The following MACROD1 variants were observed in gnomAD, a reference collection of about 807,000 sequenced individuals.
MACROD1 encodes ADP-ribose glycohydrolase MACROD1.
MACROD1 carries 31 observed loss-of-function variants against 41.4 expected under a neutral mutation model. The ratio of observed to expected loss-of-function variants is 0.75; its 90% CI spans 0.56 to 1.01. The LOEUF is 1.01. Among genes scored for constraint, MACROD1 ranks in the 50% least tolerant of loss-of-function variants. MACROD1 has a pLI of 0.00. For synonymous variants in MACROD1, 252 were observed against 203.4 expected (o/e 1.24, Z -2.03); for missense variants, 473 against 460.0 (o/e 1.03, Z -0.26).
intron 3 of MACROD1, among the ~76,000 whole-genome samples, chr11:64,097,325 A>G (rs2134545164): frequency 6.6e-6 from 1 of 152,324 alleles, no homozygotes. Context: ...GGATGGGTGA[A>G]CTCCCAGGCC....
At chr11:64,139,088 C>T (rs1565255585) in intron 3 of MACROD1, among the ~76,000 whole-genome samples, 1 of 152,078 alleles carries the variant, frequency 6.6e-6, no homozygotes, top group Non-Finnish European at 1.5e-5. Flanking sequence ...TTTAATGAAC[C>T]GAAGGGAATG....
At position 64,122,456 on chromosome 11, in the gene MACROD1, C is replaced by T. The variant is rs1945114114; in HGVS notation, c.517+28783G>A. On this transcript the variant is annotated intron_variant, in intron 3 of 10. Transcript: ENST00000255681. This position sits in a 1 kb window ranked among gnomAD's most constrained non-coding sequence, Gnocchi z 4.0. The stretch of plus-strand genomic sequence containing the variant: ...ACTCTCCCAAAGCCCAAAGCCCACA[C>T]CTGCCGTGTGCCTCTTCTCCCTCCC... 1.3e-5 allele frequency among the ~76,000 whole-genome samples: 2 copies of T among 151,074 alleles called. No homozygotes were observed. Among genetic ancestry groups the T allele is most frequent in the Non-Finnish European group, 3.0e-5 (2 of 67,692 alleles).
At chr11:64,033,606 C>T (rs1035569081) in intron 3 of MACROD1, among the ~76,000 whole-genome samples, 20 of 151,886 alleles carry the variant, frequency 1.3e-4, no homozygotes, top group African/African-American at 2.7e-4. Context: ...TTTGGGAGGC[C>T]GAGTTGGGTG....
chr11:64,069,303 A>T (rs1366345745), intron 3 of MACROD1, among the ~76,000 whole-genome samples: 1 of 152,130 alleles, frequency 6.6e-6, no homozygotes, highest in Non-Finnish European at 1.5e-5. Context: ...CCAGGCCTGG[A>T]TGAGGCACGG....
At chr11:64,110,814 A>G (rs562334579) in intron 3 of MACROD1, among the ~76,000 whole-genome samples, 12 of 152,320 alleles carry the variant, frequency 7.9e-5, no homozygotes, top group Non-Finnish European at 1.6e-4. Flanking sequence ...AAACTATGAA[A>G]CACACAACAA....
At position 64,146,178 on chromosome 11, in the gene MACROD1, G is replaced by A. The variant is rs1050763745; in HGVS notation, c.517+5061C>T. On this transcript the variant is annotated intron_variant, in intron 3 of 10. Coordinates refer to ENST00000255681, the MANE Select transcript of MACROD1 (RefSeq NM_014067.4). This position sits in a 1 kb window ranked among gnomAD's most constrained non-coding sequence, Gnocchi z 4.7. ...GGTCTGGTGCACCAGGAAACTCAAG[G>A]GCAGGGAGGTGGCCTAGTCAAGGTC... Among the ~76,000 whole-genome samples the A allele has an allele frequency of 6.6e-6, 1 of 152,112 alleles. No individual in the cohort carries two copies. The highest frequency in any genetic ancestry group is 1.5e-5 in the Non-Finnish European group (1 of 68,012).
chr11:64,129,042 A>G (rs1362262662), intron 3 of MACROD1, among the ~76,000 whole-genome samples: 1 of 152,128 alleles, frequency 6.6e-6, no homozygotes, highest in Non-Finnish European at 1.5e-5. Flanking sequence ...CACCCTCCCC[A>G]CGTGTGGCAG....
chr11:64,082,685 C>A lies in MACROD1; in HGVS notation c.518-67404G>T, dbSNP rs1039333128. On this transcript the variant is annotated intron_variant, in intron 3 of 10. Coordinates refer to ENST00000255681, the MANE Select transcript of MACROD1 (RefSeq NM_014067.4). This position sits in a 1 kb window ranked among gnomAD's most constrained non-coding sequence, Gnocchi z 4.5. ...AGCCCCAGACCCCTGTCCTGCTCCA[C>A]CCTGCAGGCCCCTGGGTCTCACACA... Among the ~76,000 whole-genome samples, 1 of 152,134 alleles carries A rather than the reference C, an allele frequency of 6.6e-6. No individual in the cohort carries two copies. Among genetic ancestry groups the A allele is most frequent in the Admixed American group, 6.5e-5 (1 of 15,284 alleles).
chr11:64,080,893 C>T (rs892523027), intron 3 of MACROD1, among the ~76,000 whole-genome samples: 3 of 152,178 alleles, frequency 2.0e-5, no homozygotes, highest in African/African-American at 4.8e-5. Context: ...ACTGAGGACT[C>T]GGGCTGCAGG....
At chr11:64,116,893 G>C in intron 3 of MACROD1, 1 of 1,611,340 alleles carries the variant, frequency 6.2e-7, no homozygotes, top group Non-Finnish European at 8.5e-7. Flanking sequence ...GATGACAACC[G>C]CATCTCCACC....
chr11:64,111,352 C>T (rs1418273056), intron 3 of MACROD1, among the ~76,000 whole-genome samples: 1 of 152,222 alleles, frequency 6.6e-6, no homozygotes, highest in African/African-American at 2.4e-5. Context: ...CAGAGGTGCT[C>T]CTAGACTCAG....
chr11:64,051,072 G>T (rs900481124), intron 3 of MACROD1, among the ~76,000 whole-genome samples: 3 of 152,324 alleles, frequency 2.0e-5, no homozygotes, highest in East Asian at 3.9e-4. Flanking sequence ...GTGCCCCACC[G>T]ATCTGGAGGA....
intron 3 of MACROD1, among the ~76,000 whole-genome samples, chr11:64,041,629 G>A (rs897750951): frequency 5.3e-5 from 8 of 152,256 alleles, no homozygotes; most frequent in East Asian, 1.9e-4. Flanking sequence ...CCGAATGACC[G>A]CCTCGGGAGC....
intron 3 of MACROD1, among the ~76,000 whole-genome samples, chr11:64,142,168 G>C (rs1190554299): frequency 6.6e-6 from 1 of 152,216 alleles, no homozygotes; most frequent in African/African-American, 2.4e-5. Context: ...CTTAGAGGGT[G>C]TCACTGATTC....
chr11:64,158,767 C>T (rs1008454419), intron 1 of MACROD1, among the ~76,000 whole-genome samples: 7 of 152,170 alleles, frequency 4.6e-5, no homozygotes, highest in Non-Finnish European at 8.8e-5. Context: ...CGCCAGATAC[C>T]GACAAGGGCC....
At chr11:64,142,680 G>A (rs539345742) in intron 3 of MACROD1, among the ~76,000 whole-genome samples, 1 of 152,326 alleles carries the variant, frequency 6.6e-6, no homozygotes, top group Non-Finnish European at 1.5e-5. Flanking sequence ...TCTTGCACTG[G>A]CGGAAATTAG....
intron 3 of MACROD1, among the ~76,000 whole-genome samples, chr11:64,051,519 G>A (rs1305112320): frequency 1.3e-5 from 2 of 152,216 alleles, no homozygotes; most frequent in Non-Finnish European, 2.9e-5. Context: ...GCTCCTGGGC[G>A]GCAGAGCTGT....
At chr11:64,056,419 C>T (rs1207524349) in intron 3 of MACROD1, among the ~76,000 whole-genome samples, 1 of 152,236 alleles carries the variant, frequency 6.6e-6, no homozygotes, top group African/African-American at 2.4e-5. Flanking sequence ...ACAGCCCAAC[C>T]AGGCTGCCTG....
Position 64,090,762 on chromosome 11 carries a change from G to A in MACROD1, c.517+60477C>T, listed in dbSNP as rs1040281551. 9.2e-5 allele frequency among the ~76,000 whole-genome samples: 14 copies of A among 151,990 alleles called. No individual in the cohort carries two copies. Among genetic ancestry groups the A allele is most frequent in the South Asian group, 6.2e-4 (3 of 4,814 alleles). On this transcript the variant is annotated intron_variant, in intron 3 of 10. Transcript: ENST00000255681. The surrounding 1 kb of genome is among the most constrained non-coding windows in gnomAD (Gnocchi z 4.7). The stretch of plus-strand genomic sequence containing the variant: ...CACATCCCAAGACTAAAAGGGGGGC[G>A]GGGTGGCGGCGTCTCTCCACCAGGC...
Sources: gnomAD v4.1 joint callset for allele counts (sites outside exome capture counted in the v4.1 genomes callset) on GRCh38, gnomAD v4.1.1 for gene constraint, Gnocchi (gnomAD v3.1) non-coding constraint, MANE v1.5 for transcripts, NCBI Gene and HGNC (gene_info 2026-07-23, HGNC 2026-07-21) for gene names.